Variants in OPCML observed in about 807,000 individuals in gnomAD.
OPCML encodes the protein opioid-binding protein/cell adhesion molecule.
In OPCML, 13 loss-of-function variants were observed where a neutral mutation model predicts 37.8. That is an observed-to-expected ratio of 0.34 (90% CI 0.22 to 0.55). The LOEUF (loss-of-function observed/expected upper bound fraction) is 0.55. OPCML is among the 20% of genes least tolerant of loss of function. The pLI, the probability that OPCML is intolerant of heterozygous loss-of-function variation, is 0.91. For synonymous variants in OPCML, 176 were observed against 168.8 expected, an observed-to-expected ratio of 1.04 and a Z score of -0.33; for missense variants, 341 against 435.6, an observed-to-expected ratio of 0.78 and a Z score of 1.93.
chr11:133,233,362 T>G (rs1940365679), intron 1 of OPCML, among the ~76,000 whole-genome samples: 1 of 152,044 alleles, frequency 6.6e-6, no homozygotes, highest in African/African-American at 2.4e-5. Context: ...TTCTCTGCCA[T>G]CCCCCTTTCT....
In OPCML at chr11:132,829,180, A is replaced by G. The variant is rs575684294; in HGVS notation, c.146+113746T>C. Reference sequence around the variant, plus strand: ...TATACTTGTTTATGCTAACCCAAGTATAATCTGGTATCTCTGGAGGGACCA... The same window carrying G: ...TATACTTGTTTATGCTAACCCAAGTGTAATCTGGTATCTCTGGAGGGACCA... On this transcript the variant is annotated intron_variant, in intron 2 of 7. Transcript: ENST00000524381. Among the ~76,000 whole-genome samples the G allele has an allele frequency of 6.6e-5, 10 of 152,316 alleles. No homozygotes were observed. The East Asian group carries it at 1.7e-3, about 26-fold the overall frequency.
intron 1 of OPCML, among the ~76,000 whole-genome samples, chr11:133,249,816 A>G (rs1279016118): frequency 6.6e-6 from 1 of 152,202 alleles, no homozygotes; most frequent in Non-Finnish European, 1.5e-5. Flanking sequence ...TGTGATTATT[A>G]ATTTTTCCAA....
At position 133,007,466 on chromosome 11, in the gene OPCML, A is replaced by G. The variant is rs1947134435; in HGVS notation, c.62-64456T>C. The G allele has an allele frequency of 6.1e-6, 6 of 985,322 alleles. No homozygotes were observed. In the Admixed American group the frequency reaches 1.8e-4, roughly 30 times the overall value. 61.0% of individuals were successfully genotyped at this position (985,322 alleles called of 1,614,324 possible). A position where few individuals can be genotyped will look rare whatever the true frequency, so the allele number is the denominator to read the frequency against. ...CCAAAATGCACACAAAGCCCTGCTG[A>G]TTATTCTATTAATTTGTTAATGAAC... On this transcript the variant is annotated intron_variant, in intron 1 of 7. Transcript: ENST00000524381.
intron 1 of OPCML, among the ~76,000 whole-genome samples, chr11:133,477,230 C>A (rs891581427): frequency 1.3e-5 from 2 of 152,204 alleles, no homozygotes; most frequent in South Asian, 2.1e-4. Flanking sequence ...TCGCTCTTTG[C>A]CTTCTGTTTA....
At chr11:133,406,103 T>C (rs1193295044) in intron 1 of OPCML, among the ~76,000 whole-genome samples, 1 of 152,058 alleles carries the variant, frequency 6.6e-6, no homozygotes, top group Non-Finnish European at 1.5e-5. Flanking sequence ...CACATTACAG[T>C]CCTCAATAAA....
chr11:132,511,160 T>C lies in OPCML; in HGVS notation c.505+17901A>G, dbSNP rs2096267987. On this transcript the variant is annotated intron_variant, in intron 4 of 7. Transcript: ENST00000524381. ...AATATAAAAAAGTCAATTGTATCTC[T>C]GTGTATTTTCAATGAACAATTGAGA... Among the ~76,000 whole-genome samples, 3 of 152,292 alleles carry C rather than the reference T, an allele frequency of 2.0e-5. No individual in the cohort carries two copies. In the South Asian group the frequency reaches 6.2e-4, roughly 32 times the overall value.
In OPCML at chr11:133,279,571, G is replaced by A. The variant is rs1317432548; in HGVS notation, c.61+252693C>T. 2.0e-5 allele frequency among the ~76,000 whole-genome samples: 3 copies of A among 152,054 alleles called. No homozygotes were observed. The East Asian group carries it at 5.8e-4, about 29-fold the overall frequency. ...GCCAGAGTTCCCTGCAGCTGCAGTTGCCCAGAGCTAAGGACACCTCTCAGA... is the reference window on the plus strand; with the variant it reads ...GCCAGAGTTCCCTGCAGCTGCAGTTACCCAGAGCTAAGGACACCTCTCAGA... On this transcript the variant is annotated intron_variant, in intron 1 of 7. Coordinates refer to ENST00000524381, the MANE Select transcript of OPCML (RefSeq NM_001012393.5).
intron 1 of OPCML, among the ~76,000 whole-genome samples, chr11:133,076,323 C>T (rs1948620388): frequency 6.6e-6 from 1 of 152,154 alleles, no homozygotes; most frequent in South Asian, 2.1e-4. Context: ...TAGCTGAATT[C>T]CTCAGGTTTT....
At chr11:133,345,726 C>T (rs1405842058) in intron 1 of OPCML, among the ~76,000 whole-genome samples, 1 of 152,170 alleles carries the variant, frequency 6.6e-6, no homozygotes, top group Admixed American at 6.5e-5. Flanking sequence ...ATCTTCAGAT[C>T]CGTGAAGAAA....
At chr11:132,507,047 A>G (rs1940408) in intron 4 of OPCML, among the ~76,000 whole-genome samples, 2,021 of 152,150 alleles carry the variant, frequency 0.013, 41 homozygotes, top group African/African-American at 0.046. Context: ...TAACAAAATC[A>G]AAGTAGGAAA....
At chr11:132,909,478 C>CCCAA (rs1171571351) in intron 2 of OPCML, among the ~76,000 whole-genome samples, 3 of 152,192 alleles carry the variant, frequency 2.0e-5, no homozygotes, top group African/African-American at 7.2e-5. Context: ...GGCAGCCCAC[C>CCCAA]CCAACCCAAT....
At chr11:132,852,915 A>C (rs564086555) in intron 2 of OPCML, among the ~76,000 whole-genome samples, 147 of 152,210 alleles carry the variant, frequency 9.7e-4, no homozygotes, top group Middle Eastern at 3.4e-3. Flanking sequence ...AAAAAAAAAA[A>C]AAAAGAAGAA....
chr11:133,212,019 C>T lies in OPCML; in HGVS notation c.62-269009G>A, dbSNP rs1268399889. On this transcript the variant is annotated intron_variant, in intron 1 of 7. Transcript: ENST00000524381. The surrounding 1 kb of genome is among the most constrained non-coding windows in gnomAD (Gnocchi z 4.9). ...TGCATACAGCCTGATAGCAGATTGA[C>T]CGTGCCAGCTGTCACTTTTACAATC... Among the ~76,000 whole-genome samples the T allele has an allele frequency of 2.0e-5, 3 of 152,104 alleles. No homozygotes were observed. Among genetic ancestry groups the T allele is most frequent in the Non-Finnish European group, 4.4e-5 (3 of 68,024 alleles).
rs1950337975 is a variant in OPCML at position 133,174,506 on chromosome 11, T to C, written c.62-231496A>G. ...ATGACGTAAAGGTGATTATGAACAT[T>C]ACGATTTATAATAGTGGAGGACTGG... is the stretch of plus-strand genomic sequence containing the variant. On this transcript the variant is annotated intron_variant, in intron 1 of 7. Coordinates refer to ENST00000524381, the MANE Select transcript of OPCML (RefSeq NM_001012393.5). This position sits in a 1 kb window ranked among gnomAD's most constrained non-coding sequence, Gnocchi z 4.6. Among the ~76,000 whole-genome samples the C allele has an allele frequency of 1.3e-5, 2 of 152,136 alleles. No homozygotes were observed. Among genetic ancestry groups the C allele is most frequent in the South Asian group, 4.1e-4 (2 of 4,830 alleles).
Position 132,420,104 on chromosome 11 carries a change from G to T in OPCML, c.*89C>A. On this transcript the variant is annotated 3_prime_UTR_variant, in exon 8 of 8. Coordinates refer to ENST00000524381, the MANE Select transcript of OPCML (RefSeq NM_001012393.5). ...CTAGAATAACAGAAAAAAACAAAAA[G>T]AAGCCCAAGCTGGTTTGCTCTCCGC... 2.2e-6 allele frequency: 2 copies of T among 909,820 alleles called. No homozygotes were observed. The highest frequency in any genetic ancestry group is 3.1e-6 in the Non-Finnish European group (2 of 637,790). 56.4% of individuals were successfully genotyped at this position (909,820 alleles called of 1,614,324 possible).
chr11:132,584,369 C>A (rs2096468143), intron 3 of OPCML, among the ~76,000 whole-genome samples: 1 of 152,076 alleles, frequency 6.6e-6, no homozygotes, highest in Non-Finnish European at 1.5e-5. Flanking sequence ...ACAATCCTAT[C>A]CTCTTAACAG....
At chr11:132,696,782 A>G (rs1329162258) in intron 2 of OPCML, among the ~76,000 whole-genome samples, 2 of 152,064 alleles carry the variant, frequency 1.3e-5, no homozygotes, top group East Asian at 3.9e-4. Flanking sequence ...TCAACCCAAA[A>G]AGTCCAACGC....
At chr11:133,482,546 G>C (rs932505758) in intron 1 of OPCML, among the ~76,000 whole-genome samples, 3 of 152,044 alleles carry the variant, frequency 2.0e-5, no homozygotes, top group African/African-American at 7.2e-5. Flanking sequence ...TGGCAGTGAG[G>C]GGTGAGTGGG....
chr11:132,879,315 A>C (rs887748950), intron 2 of OPCML, among the ~76,000 whole-genome samples: 1 of 152,232 alleles, frequency 6.6e-6, no homozygotes, highest in Non-Finnish European at 1.5e-5. Context: ...GAGCTGAAAG[A>C]CACCAAGAAA....
Sources: gnomAD v4.1 joint callset for allele counts (sites outside exome capture counted in the v4.1 genomes callset) on GRCh38, gnomAD v4.1.1 for gene constraint, Gnocchi (gnomAD v3.1) non-coding constraint, MANE v1.5 for transcripts, NCBI Gene and HGNC (gene_info 2026-07-23, HGNC 2026-07-21) for gene names.